Variants in LINGO2 observed in about 807,000 individuals in gnomAD.
The protein encoded by LINGO2 is leucine rich repeat and Ig domain containing 2, also known as leucine-rich repeat and immunoglobulin-like domain-containing nogo receptor-interacting protein 2.
In LINGO2, 14 loss-of-function variants were observed where a neutral mutation model predicts 30.6. The ratio of observed to expected loss-of-function variants is 0.46; its 90% CI spans 0.30 to 0.72. LINGO2 has a LOEUF of 0.72. Among genes scored for constraint, LINGO2 ranks in the 30% least tolerant of loss-of-function variants. The pLI, the probability that LINGO2 is intolerant of heterozygous loss-of-function variation, is 0.07. For missense variants in LINGO2, 729 were observed against 751.7 expected (o/e 0.97, Z 0.35); for synonymous variants, 317 against 288.5 (o/e 1.10, Z -1.00).
the LINGO2 span, among the ~76,000 whole-genome samples, chr9:29,125,615 C>A: frequency 6.6e-6 from 1 of 151,998 alleles, no homozygotes; most frequent in Non-Finnish European, 1.5e-5. Context: ...TGATGTACAG[C>A]TACAGTGAGA....
chr9:28,727,568 G>A, the LINGO2 span, among the ~76,000 whole-genome samples: 2 of 152,148 alleles, frequency 1.3e-5, no homozygotes, highest in African/African-American at 4.8e-5. Flanking sequence ...GATTACAGGC[G>A]TGAGCCACCA....
chr9:28,321,485 A>G (rs566687518), intron 3 of LINGO2, among the ~76,000 whole-genome samples: 35 of 152,336 alleles, frequency 2.3e-4, no homozygotes, highest in African/African-American at 7.7e-4. Context: ...AGGGCCTACT[A>G]TGTGCCAGTG....
the LINGO2 span, among the ~76,000 whole-genome samples, chr9:29,056,040 T>C: frequency 6.6e-6 from 1 of 151,596 alleles, no homozygotes; most frequent in African/African-American, 2.4e-5. Context: ...GCAGGTTCCA[T>C]AGTTTTGTTA....
intron 4 of LINGO2, among the ~76,000 whole-genome samples, chr9:28,052,377 C>G (rs1824717084): frequency 6.6e-6 from 1 of 152,100 alleles, no homozygotes; most frequent in Non-Finnish European, 1.5e-5. Context: ...ACACGAAGCA[C>G]ATTGCTCACA....
the LINGO2 span, among the ~76,000 whole-genome samples, chr9:28,715,131 C>G: frequency 0.13 from 20,309 of 152,120 alleles, 1,609 homozygotes; most frequent in Admixed American, 0.27. Flanking sequence ...ACTGCAGAAA[C>G]ATTTGGACTG....
intron 4 of LINGO2, among the ~76,000 whole-genome samples, chr9:28,199,495 C>T (rs1326429750): frequency 6.6e-6 from 1 of 152,078 alleles, no homozygotes; most frequent in African/African-American, 2.4e-5. Flanking sequence ...CCCGCCACCA[C>T]GCTCGGCTAA....
the LINGO2 span, among the ~76,000 whole-genome samples, chr9:29,005,044 C>T: frequency 6.6e-6 from 1 of 151,878 alleles, no homozygotes; most frequent in Non-Finnish European, 1.5e-5. Context: ...CTTATTTGCA[C>T]ACCTATGGTA....
intron 1 of LINGO2, among the ~76,000 whole-genome samples, chr9:28,588,466 T>C (rs913085204): frequency 1.3e-5 from 2 of 151,770 alleles, no homozygotes; most frequent in Admixed American, 1.3e-4. Flanking sequence ...AGACATGAAG[T>C]CCTATACCAT....
chr9:28,766,149 C>T, the LINGO2 span, among the ~76,000 whole-genome samples: 1 of 151,888 alleles, frequency 6.6e-6, no homozygotes, highest in Non-Finnish European at 1.5e-5. Flanking sequence ...TCAAGAAAAT[C>T]ACAAGGCTGC....
the LINGO2 span, among the ~76,000 whole-genome samples, chr9:28,915,232 C>A: frequency 4.6e-5 from 7 of 152,136 alleles, no homozygotes; most frequent in African/African-American, 1.7e-4. Context: ...GCTTAGCAAG[C>A]ATTAATCAAG....
At chr9:28,207,174 A>T (rs1335587122) in intron 4 of LINGO2, among the ~76,000 whole-genome samples, 1 of 152,140 alleles carries the variant, frequency 6.6e-6, no homozygotes, top group Non-Finnish European at 1.5e-5. Flanking sequence ...GGTAATTTTT[A>T]ATATCATCTG....
At chr9:28,858,112 C>A in the LINGO2 span, among the ~76,000 whole-genome samples, 2 of 151,920 alleles carry the variant, frequency 1.3e-5, no homozygotes, top group Admixed American at 6.6e-5. Flanking sequence ...GCTGTCAGGA[C>A]CTGCCCTCTG....
At chr9:28,732,236 G>A in the LINGO2 span, among the ~76,000 whole-genome samples, 3 of 151,776 alleles carry the variant, frequency 2.0e-5, no homozygotes, top group South Asian at 2.1e-4. Context: ...CTATTTAAAC[G>A]CTCATCGAAG....
the LINGO2 span, among the ~76,000 whole-genome samples, chr9:28,982,846 A>G: frequency 3.3e-5 from 5 of 152,070 alleles, no homozygotes; most frequent in African/African-American, 9.7e-5. Flanking sequence ...CCAATAATAT[A>G]TAACTAAGCT....
At chr9:28,770,491 G>C in the LINGO2 span, among the ~76,000 whole-genome samples, 2 of 152,060 alleles carry the variant, frequency 1.3e-5, no homozygotes, top group Non-Finnish European at 2.9e-5. Context: ...TTCACTGTCT[G>C]GTTGCTATGT....
the LINGO2 span, among the ~76,000 whole-genome samples, chr9:29,196,085 T>C: frequency 9.2e-5 from 14 of 152,120 alleles, no homozygotes; most frequent in African/African-American, 3.4e-4. Flanking sequence ...GGACATATTG[T>C]AGTTTATTCT....
intron 2 of LINGO2, among the ~76,000 whole-genome samples, chr9:28,409,092 C>T (rs986687636): frequency 1.3e-5 from 2 of 152,052 alleles, no homozygotes; most frequent in African/African-American, 2.4e-5. Context: ...CTGTCTAAGG[C>T]ATCATTTTCA....
intron 3 of LINGO2, among the ~76,000 whole-genome samples, chr9:28,365,874 G>GA (rs2134536408): frequency 6.6e-6 from 1 of 151,700 alleles, no homozygotes; most frequent in East Asian, 2.0e-4. Context: ...AGAGTGGGCA[G>GA]AGCATATGTA....
chr9:28,612,858 T>C (rs1179275922), intron 1 of LINGO2, among the ~76,000 whole-genome samples: 1 of 152,088 alleles, frequency 6.6e-6, no homozygotes, highest in East Asian at 1.9e-4. Context: ...TGAAATGATA[T>C]GGTTAGGCTT....
Sources: gnomAD v4.1 joint callset for allele counts (sites outside exome capture counted in the v4.1 genomes callset) on GRCh38, gnomAD v4.1.1 for gene constraint, MANE v1.5 for transcripts, NCBI Gene and HGNC (gene_info 2026-07-23, HGNC 2026-07-21) for gene names.